The following SREBF2 variants were observed in gnomAD, a reference collection of about 807,000 sequenced individuals.
The protein encoded by SREBF2 is sterol regulatory element binding transcription factor 2, also known as sterol regulatory element-binding protein 2.
A neutral mutation model predicts 113.1 loss-of-function variants in SREBF2; 55 were observed. The ratio of observed to expected loss-of-function variants is 0.49; its 90% CI spans 0.39 to 0.61. The LOEUF is 0.61. Ranked by LOEUF, SREBF2 falls within the 20% of genes least tolerant of loss-of-function variation. The pLI is 0.00. For missense variants in SREBF2, 1,349 were observed against 1,487.4 expected, an observed-to-expected ratio of 0.91 and a Z score of 1.53; for synonymous variants, 593 against 605.7, an observed-to-expected ratio of 0.98 and a Z score of 0.31.
At chr22:41,877,688 G>A (rs2077209471) in intron 8 of SREBF2, among the ~76,000 whole-genome samples, 1 of 152,198 alleles carries the variant, frequency 6.6e-6, no homozygotes, top group African/African-American at 2.4e-5. Context: ...CTATTTGAAG[G>A]AGGATATCGT....
At chr22:41,858,008 T>C (rs1339645270) in intron 1 of SREBF2, among the ~76,000 whole-genome samples, 1 of 152,196 alleles carries the variant, frequency 6.6e-6, no homozygotes, top group African/African-American at 2.4e-5. Context: ...GAAATGGTTA[T>C]CTCATATTGA....
At chr22:41,887,490 A>G (rs1294711472) in intron 11 of SREBF2, among the ~76,000 whole-genome samples, 2 of 152,220 alleles carry the variant, frequency 1.3e-5, no homozygotes, top group Admixed American at 1.3e-4. Context: ...AGAGTCTTGC[A>G]GTATACACTG....
chr22:41,893,099 G>A lies in SREBF2; in HGVS notation c.2209-18G>A. On this transcript the variant is annotated intron_variant, in intron 11 of 18. Coordinates refer to ENST00000361204, the MANE Select transcript of SREBF2 (RefSeq NM_004599.4). The stretch of plus-strand genomic sequence containing the variant: ...TTCTGCCACCTTGGTGTTACCCCTG[G>A]TCCTTGTCCTTCCACAGAGCTACTT... 1 of 1,612,182 alleles carries A rather than the reference G, an allele frequency of 6.2e-7. No individual in the cohort carries two copies. Among genetic ancestry groups the A allele is most frequent in the South Asian group, 1.1e-5 (1 of 91,012 alleles).
At chr22:41,860,103 C>T (rs1369418359) in intron 1 of SREBF2, among the ~76,000 whole-genome samples, 1 of 151,788 alleles carries the variant, frequency 6.6e-6, no homozygotes, top group Non-Finnish European at 1.5e-5. Flanking sequence ...CCGCGCCAGG[C>T]CGACATGGTG....
At chr22:41,838,523 A>G (rs532265894) in intron 1 of SREBF2, among the ~76,000 whole-genome samples, 1 of 152,272 alleles carries the variant, frequency 6.6e-6, no homozygotes, top group Non-Finnish European at 1.5e-5. Flanking sequence ...ACCCGAGGTC[A>G]GGAGTTCGAG....
intron 1 of SREBF2, among the ~76,000 whole-genome samples, chr22:41,854,392 C>T (rs1156891457): frequency 6.6e-6 from 1 of 150,748 alleles, no homozygotes; most frequent in Non-Finnish European, 1.5e-5. Flanking sequence ...GAACTCCTGA[C>T]CTCAGGTGAT....
Position 41,898,729 on chromosome 22 carries a change from C to T in SREBF2, c.2686C>T (p.Arg896Cys), listed in dbSNP as rs760768724. Residue 896 changes from arginine (R) to cysteine (C), a missense_variant, in exon 15 of 19, where the codon CGC becomes TGC. Arg to Cys is a radical substitution (Grantham distance 180). Around this residue, in one of 2 missense-constraint regions of SREBF2, gnomAD observed 650 missense variants for 644.1 expected, o/e 1.01. Transcript: ENST00000361204. ...GCTCCAGGGAGACGATGCAGCTGTG[C>T]GCTCTCATTTTACCAAAGTGGAACG... ...SWLQGDDAAV[R>C]SHFTKVERIP... The T allele has an allele frequency of 3.2e-5, 51 of 1,613,928 alleles. No individual in the cohort carries two copies. Among genetic ancestry groups the T allele is most frequent in the East Asian group, 1.3e-4 (6 of 44,888 alleles).
At chr22:41,844,884 A>G (rs1370523669) in intron 1 of SREBF2, among the ~76,000 whole-genome samples, 1 of 151,712 alleles carries the variant, frequency 6.6e-6, no homozygotes, top group Non-Finnish European at 1.5e-5. Context: ...TCCTCCTGAT[A>G]CATTTGTCTT....
intron 4 of SREBF2, among the ~76,000 whole-genome samples, chr22:41,871,346 C>G (rs968260332): frequency 6.6e-6 from 1 of 152,074 alleles, no homozygotes; most frequent in Non-Finnish European, 1.5e-5. Context: ...TCTGAAGGAC[C>G]CTAGGGCCAC....
chr22:41,833,678 C>T lies in SREBF2; in HGVS notation c.88+320C>T, dbSNP rs894207959. ...CGGCCTAAGGAGAGCGCGTGGCCGC[C>T]GCCTCCCTCGCGCGCCCACACGCGG... is the stretch of plus-strand genomic sequence containing the variant. On this transcript the variant is annotated intron_variant, in intron 1 of 18. Coordinates refer to ENST00000361204, the MANE Select transcript of SREBF2 (RefSeq NM_004599.4). The surrounding 1 kb of genome is among the most constrained non-coding windows in gnomAD (Gnocchi z 4.1). 2.5e-5 allele frequency: 6 copies of T among 242,212 alleles called. No individual in the cohort carries two copies. The highest frequency in any genetic ancestry group is 4.0e-5 in the Non-Finnish European group (5 of 126,102). 15.0% of individuals were successfully genotyped at this position (242,212 alleles called of 1,614,324 possible).
intron 7 of SREBF2, among the ~76,000 whole-genome samples, chr22:41,876,393 C>CT (rs1333841065): frequency 6.6e-6 from 1 of 152,148 alleles, no homozygotes; most frequent in Non-Finnish European, 1.5e-5. Flanking sequence ...ACTAAGGAAG[C>CT]TCCATTTTTG....
intron 7 of SREBF2, among the ~76,000 whole-genome samples, chr22:41,875,945 G>C (rs533932187): frequency 1.3e-5 from 2 of 152,346 alleles, no homozygotes; most frequent in South Asian, 4.1e-4. Context: ...CTTGCCGATA[G>C]GCCCCGTCAG....
chr22:41,860,052 G>T (rs6002512), intron 1 of SREBF2, among the ~76,000 whole-genome samples: 3 of 151,648 alleles, frequency 2.0e-5, no homozygotes, highest in East Asian at 1.9e-4. Flanking sequence ...TGATCCGCCC[G>T]CCTCGGCCTC....
chr22:41,841,896 C>T (rs1347923668), intron 1 of SREBF2, among the ~76,000 whole-genome samples: 1 of 152,176 alleles, frequency 6.6e-6, no homozygotes, highest in East Asian at 1.9e-4. Flanking sequence ...CCTTGCACAC[C>T]TGTGTACCTG....
chr22:41,900,222 C>G, intron 15 of SREBF2, 108 bp from the exon 16 acceptor site: 1 of 1,548,246 alleles, frequency 6.5e-7, no homozygotes. Context: ...TCAACAGATG[C>G]ACATGTCATA....
In SREBF2 at chr22:41,833,130, C is replaced by T. The variant is rs886514133; in HGVS notation, c.-141C>T. 4 of 592,254 alleles carry T rather than the reference C, an allele frequency of 6.8e-6. No homozygotes were observed. In the African/African-American group the frequency reaches 7.9e-5, roughly 12 times the overall value. 36.7% of individuals were successfully genotyped at this position (592,254 alleles called of 1,614,324 possible). A position where few individuals can be genotyped will look rare whatever the true frequency, so the allele number is the denominator to read the frequency against. ...CTTTCTGTGCGGCGCCCGGGCGCAA[C>T]GCAAACATGGCGGCGGGTGGCACCC... is the stretch of plus-strand genomic sequence containing the variant. On this transcript the variant is annotated 5_prime_UTR_variant, in exon 1 of 19. The change creates a new upstream start codon in the 5' untranslated region. Transcript: ENST00000361204. The surrounding 1 kb of genome is among the most constrained non-coding windows in gnomAD (Gnocchi z 4.1).
At chr22:41,856,583 G>C (rs182117284) in intron 1 of SREBF2, among the ~76,000 whole-genome samples, 57 of 152,284 alleles carry the variant, frequency 3.7e-4, no homozygotes, top group Non-Finnish European at 6.8e-4. Context: ...GAAGAGGGTG[G>C]TCACAAGTAG....
At chr22:41,871,668 G>C (rs1361494621) in intron 4 of SREBF2, among the ~76,000 whole-genome samples, 1 of 152,010 alleles carries the variant, frequency 6.6e-6, no homozygotes, top group Non-Finnish European at 1.5e-5. Flanking sequence ...AAGAGGGGTG[G>C]ATCACCTGAG....
chr22:41,876,879 T>A (rs145952062), intron 7 of SREBF2, among the ~76,000 whole-genome samples: 13 of 152,310 alleles, frequency 8.5e-5, no homozygotes, highest in African/African-American at 3.1e-4. Flanking sequence ...AATGACTGAT[T>A]CATTGGTTTC....
Sources: allele counts gnomAD v4.1 joint callset (sites outside exome capture counted in the v4.1 genomes callset), GRCh38; gene constraint gnomAD v4.1.1; regional missense constraint gnomAD v4.1.1; non-coding constraint Gnocchi (gnomAD v3.1); transcripts MANE v1.5; gene names NCBI Gene and HGNC (gene_info 2026-07-23, HGNC 2026-07-21).